KIAA1217: variants seen among roughly 807,000 people sequenced by gnomAD.
KIAA1217 encodes the protein KIAA1217.
Under a neutral mutation model 163.9 loss-of-function variants are expected in KIAA1217, and 88 were observed. The observed-to-expected ratio is 0.54, with a 90% CI of 0.45 to 0.64. The LOEUF (loss-of-function observed/expected upper bound fraction) is 0.64, where lower values mean the gene tolerates loss of function less well. Ranked by LOEUF, KIAA1217 falls within the 30% of genes least tolerant of loss-of-function variation. The pLI is 0.00. For synonymous variants in KIAA1217, 903 were observed against 923.1 expected (o/e 0.98, Z 0.39); for missense variants, 2,372 against 2,475.0 (o/e 0.96, Z 0.88).
intron 2 of KIAA1217, among the ~76,000 whole-genome samples, chr10:24,180,143 C>A (rs978466484): frequency 5.9e-5 from 9 of 152,090 alleles, no homozygotes; most frequent in African/African-American, 1.7e-4. Context: ...TCTCTATTGC[C>A]TTTGACTCAG....
At chr10:23,758,640 CTCTCT>C (rs1834052433) in intron 1 of KIAA1217, among the ~76,000 whole-genome samples, 3 of 141,894 alleles carry the variant, frequency 2.1e-5, no homozygotes, top group Admixed American at 7.1e-5. Context: ...CTCTCTCTCT[CTCTCT>C]CCCCCTCCCT....
rs1461152882 is a variant in KIAA1217 at position 23,695,814 on chromosome 10, G to T, written c.-321+580G>T. ...ACTCTCCGGAGGCGGCAGAGGTCGA[G>T]GCAGGAGGCGAATGTGACGCTTAGG... is the stretch of plus-strand genomic sequence containing the variant. On this transcript the variant is annotated intron_variant, in intron 1 of 18. Coordinates refer to the KIAA1217 transcript ENST00000376462. This position sits in a 1 kb window ranked among gnomAD's most constrained non-coding sequence, Gnocchi z 4.9. Among the ~76,000 whole-genome samples the T allele has an allele frequency of 6.6e-6, 1 of 152,318 alleles. No homozygotes were observed. The highest frequency in any genetic ancestry group is 2.4e-5 in the African/African-American group (1 of 41,586).
chr10:24,520,095 C>G, intron 10 of KIAA1217, 28 bp from the exon 11 acceptor site: 3 of 1,609,192 alleles, frequency 1.9e-6, no homozygotes, highest in Non-Finnish European at 2.5e-6. Flanking sequence ...GTGTTCAGCT[C>G]TATGTGCTGG....
At chr10:24,481,491 G>A (rs2064689138) in intron 6 of KIAA1217, 1 of 152,168 alleles carries the variant, frequency 6.6e-6, no homozygotes. Context: ...CCAGAGGCTT[G>A]AGCTCCAGAG....
chr10:24,359,485 G>A (rs1440282249), intron 2 of KIAA1217, among the ~76,000 whole-genome samples: 1 of 152,112 alleles, frequency 6.6e-6, no homozygotes, highest in Non-Finnish European at 1.5e-5. Flanking sequence ...TTTTTCTCAA[G>A]TTATTTCATA....
intron 2 of KIAA1217, among the ~76,000 whole-genome samples, chr10:24,320,481 A>G (rs1444296643): frequency 1.3e-5 from 2 of 152,192 alleles, no homozygotes; most frequent in South Asian, 2.1e-4. Flanking sequence ...TGCAATTTCT[A>G]TTCCTTTTTG....
At chr10:24,318,333 C>G (rs982451096) in intron 2 of KIAA1217, among the ~76,000 whole-genome samples, 1 of 152,128 alleles carries the variant, frequency 6.6e-6, no homozygotes, top group Non-Finnish European at 1.5e-5. Context: ...ATCTTCTATA[C>G]TGTGGAAGGC....
chr10:24,354,009 G>A (rs531637089), intron 2 of KIAA1217, among the ~76,000 whole-genome samples: 4 of 152,184 alleles, frequency 2.6e-5, no homozygotes, highest in East Asian at 1.9e-4. Context: ...GTTTCTCCAC[G>A]GATTATCTTC....
At chr10:23,726,340 G>T (rs1235569405) in intron 1 of KIAA1217, among the ~76,000 whole-genome samples, 3 of 145,846 alleles carry the variant, frequency 2.1e-5, no homozygotes, top group East Asian at 2.0e-4. Context: ...TTTTTTATTT[G>T]AAACTTCAGA....
At chr10:24,065,862 C>T (rs1034431742) in intron 2 of KIAA1217, among the ~76,000 whole-genome samples, 11 of 152,334 alleles carry the variant, frequency 7.2e-5, no homozygotes, top group African/African-American at 1.2e-4. Flanking sequence ...ATAGTTAGCT[C>T]TTCTTGTTGA....
chr10:23,818,094 TACAC>T (rs1175959531), intron 1 of KIAA1217, among the ~76,000 whole-genome samples: 1 of 116,962 alleles, frequency 8.5e-6, no homozygotes, highest in Non-Finnish European at 1.7e-5. Flanking sequence ...TAGATATACA[TACAC>T]ACACACACAC....
chr10:24,170,108 C>T (rs1472424551), intron 2 of KIAA1217, among the ~76,000 whole-genome samples: 3 of 152,182 alleles, frequency 2.0e-5, no homozygotes, highest in South Asian at 2.1e-4. Flanking sequence ...TACATCCATG[C>T]TTTATACAAA....
chr10:23,731,048 G>A (rs1459519686), intron 1 of KIAA1217, among the ~76,000 whole-genome samples: 6 of 152,182 alleles, frequency 3.9e-5, no homozygotes, highest in Admixed American at 2.6e-4. Flanking sequence ...GGTGATAAGA[G>A]GGAACATGTC....
intron 1 of KIAA1217, among the ~76,000 whole-genome samples, chr10:23,954,458 G>A (rs376973863): frequency 1.1e-4 from 17 of 151,944 alleles, no homozygotes; most frequent in African/African-American, 3.1e-4. Context: ...CCAGCTGCTC[G>A]GGAGGCTAAG....
chr10:23,852,316 G>A (rs1043611508), intron 1 of KIAA1217, among the ~76,000 whole-genome samples: 2 of 152,142 alleles, frequency 1.3e-5, no homozygotes, highest in Non-Finnish European at 2.9e-5. Context: ...TCAAAGATCA[G>A]ATAGTTGTAG....
upstream of KIAA1217, among the ~76,000 whole-genome samples, chr10:24,207,430 G>A (rs1369308616): frequency 6.6e-6 from 1 of 152,042 alleles, no homozygotes; most frequent in Non-Finnish European, 1.5e-5. Context: ...AACACAGCAG[G>A]GCCCTCCTTC....
chr10:23,874,650 C>A (rs1200800635), intron 1 of KIAA1217, among the ~76,000 whole-genome samples: 1 of 151,948 alleles, frequency 6.6e-6, no homozygotes, highest in Admixed American at 6.6e-5. Context: ...CCACCTGATG[C>A]TGGGACCATA....
intron 2 of KIAA1217, among the ~76,000 whole-genome samples, chr10:24,043,773 C>G (rs1848790960): frequency 6.6e-6 from 1 of 152,096 alleles, no homozygotes; most frequent in Non-Finnish European, 1.5e-5. Context: ...CTTTTTTAAA[C>G]AAACAATCCG....
chr10:24,454,291 G>A (rs1439545797), intron 5 of KIAA1217, among the ~76,000 whole-genome samples: 2 of 152,162 alleles, frequency 1.3e-5, no homozygotes, highest in African/African-American at 4.8e-5. Context: ...TTTCCATTGT[G>A]CAGGCAGCAC....
Sources: gnomAD v4.1 joint callset for allele counts (sites outside exome capture counted in the v4.1 genomes callset) on GRCh38, gnomAD v4.1.1 for gene constraint, Gnocchi (gnomAD v3.1) non-coding constraint, MANE v1.5 for transcripts, NCBI Gene and HGNC (gene_info 2026-07-23, HGNC 2026-07-21) for gene names.